The following AHCY variants were observed in gnomAD, a reference collection of about 807,000 sequenced individuals.
AHCY encodes adenosylhomocysteinase.
A neutral mutation model predicts 45.4 loss-of-function variants in AHCY; 24 were observed. The observed-to-expected ratio is 0.53, with a 90% CI of 0.38 to 0.74. The LOEUF (loss-of-function observed/expected upper bound fraction) is 0.74, where lower values mean the gene tolerates loss of function less well. Ranked by LOEUF, AHCY falls within the 30% of genes least tolerant of loss-of-function variation. The pLI is 0.00. For synonymous variants in AHCY, 245 were observed against 235.1 expected (o/e 1.04, Z -0.39); for missense variants, 449 against 594.1 (o/e 0.76, Z 2.54).
Position 34,285,545 on chromosome 20 carries a change from G to A in AHCY, c.1062C>T (p.Pro354=), listed in dbSNP as rs371576288. 3.7e-6 allele frequency: 6 copies of A among 1,614,078 alleles called. No homozygotes were observed. The highest frequency in any genetic ancestry group is 2.2e-5 in the East Asian group (1 of 44,888). Residue 354 remains proline, a synonymous_variant, in exon 9 of 10, where the codon CCC becomes CCT. Transcript: ENST00000217426. ...TGAAGGAGTTACTCATCACGAAGCT[G>A]GGGTGGCCCATGGCACAACCCAGGT... ...LVNLGCAMGH[P]SFVMSNSFTN... is the part of the protein sequence containing the mutation.
At chr20:34,282,992 GT>G (rs2036051864) in intron 9 of AHCY, among the ~76,000 whole-genome samples, 1 of 152,146 alleles carries the variant, frequency 6.6e-6, no homozygotes, top group Non-Finnish European at 1.5e-5. Flanking sequence ...GATGGGTGCG[GT>G]TTATCCTTGT....
the AHCY span, among the ~76,000 whole-genome samples, chr20:34,245,126 G>A: frequency 6.6e-6 from 1 of 152,034 alleles, no homozygotes; most frequent in African/African-American, 2.4e-5. Flanking sequence ...ACGAGGTCAG[G>A]AGTTCGAGAC....
chr20:34,249,550 T>C, the AHCY span, among the ~76,000 whole-genome samples: 2 of 152,216 alleles, frequency 1.3e-5, no homozygotes, highest in Non-Finnish European at 2.9e-5. Flanking sequence ...GCAGCTTGTG[T>C]AGCTGCACCA....
At chr20:34,309,746 A>C (rs942624629) in intron 1 of AHCY, among the ~76,000 whole-genome samples, 9 of 152,118 alleles carry the variant, frequency 5.9e-5, no homozygotes, top group Non-Finnish European at 1.3e-4. Flanking sequence ...GTGCCATTGC[A>C]CTCCAGCCTG....
chr20:34,309,430 G>A (rs1402994169), intron 1 of AHCY, among the ~76,000 whole-genome samples: 1 of 152,172 alleles, frequency 6.6e-6, no homozygotes, highest in East Asian at 1.9e-4. Flanking sequence ...CTACTTGTGA[G>A]TTGGAAGGAT....
the AHCY span, among the ~76,000 whole-genome samples, chr20:34,246,813 T>G: frequency 1.3e-5 from 2 of 152,134 alleles, no homozygotes; most frequent in African/African-American, 4.8e-5. Context: ...CTTTACTGAT[T>G]AACTCCAATT....
chr20:34,270,044 G>C, the AHCY span, among the ~76,000 whole-genome samples: 1 of 149,402 alleles, frequency 6.7e-6, no homozygotes, highest in South Asian at 2.1e-4. Context: ...AGACCAGCCT[G>C]GGCTACATAG....
chr20:34,275,814 T>A (rs904958553), downstream of AHCY, among the ~76,000 whole-genome samples: 3 of 151,988 alleles, frequency 2.0e-5, no homozygotes, highest in Non-Finnish European at 2.9e-5. Context: ...GTAGCTGGGA[T>A]TACAGGCGTG....
chr20:34,302,677 C>A (rs1322010562), intron 1 of AHCY: 1 of 986,712 alleles, frequency 1.0e-6, no homozygotes, highest in Non-Finnish European at 1.2e-6. Context: ...GAGATTTCTG[C>A]AAGGCTGCCC....
chr20:34,271,753 C>T, the AHCY span, among the ~76,000 whole-genome samples: 1 of 151,862 alleles, frequency 6.6e-6, no homozygotes, highest in African/African-American at 2.4e-5. Flanking sequence ...TTAGTAGAGA[C>T]AGGGTTTCAC....
the AHCY span, among the ~76,000 whole-genome samples, chr20:34,240,727 A>T: frequency 2.6e-5 from 4 of 152,192 alleles, no homozygotes; most frequent in Non-Finnish European, 4.4e-5. Context: ...TAACTCAATT[A>T]GACTGTTTTA....
exon 1 of AHCY, chr20:34,311,640 G>C (rs895847089): frequency 1.3e-5 from 2 of 152,564 alleles, no homozygotes; most frequent in African/African-American, 4.8e-5. Context: ...TCTCACTCTG[G>C]ATTAACTGGA....
the AHCY span, among the ~76,000 whole-genome samples, chr20:34,272,182 C>A: frequency 6.6e-6 from 1 of 152,216 alleles, no homozygotes; most frequent in East Asian, 1.9e-4. Context: ...CCAGGAGAGG[C>A]TGATTCACCT....
upstream of AHCY, among the ~76,000 whole-genome samples, chr20:34,304,347 C>G (rs537552572): frequency 6.6e-6 from 1 of 152,316 alleles, no homozygotes; most frequent in Admixed American, 6.5e-5. Flanking sequence ...CTTCTATGTT[C>G]AAGTCCCTCA....
the AHCY span, among the ~76,000 whole-genome samples, chr20:34,232,609 T>C: frequency 6.6e-6 from 1 of 152,188 alleles, no homozygotes; most frequent in Non-Finnish European, 1.5e-5. Flanking sequence ...ATCCAGTATA[T>C]AGTTTAAGGC....
chr20:34,282,426 T>A (rs899749337), intron 9 of AHCY, among the ~76,000 whole-genome samples: 8 of 152,216 alleles, frequency 5.3e-5, no homozygotes, highest in African/African-American at 1.9e-4. Context: ...AGCAGCCAGC[T>A]AAGCTGATCT....
intron 1 of AHCY, among the ~76,000 whole-genome samples, chr20:34,308,525 T>C (rs1037553707): frequency 1.3e-5 from 2 of 152,164 alleles, no homozygotes; most frequent in African/African-American, 4.8e-5. Context: ...ACTCCAGACT[T>C]GGTGACAGAG....
At chr20:34,246,302 C>A in the AHCY span, 1 of 1,550,968 alleles carries the variant, frequency 6.4e-7, no homozygotes, top group African/African-American at 1.4e-5. Flanking sequence ...TTGACCCTCA[C>A]TAATTCCAGC....
In AHCY at chr20:34,298,610, G is replaced by C. The variant is rs565356824; in HGVS notation, c.29-3025C>G. 1.6e-3 allele frequency among the ~76,000 whole-genome samples: 158 copies of C among 98,086 alleles called. 9 individuals carry two copies. Among genetic ancestry groups the C allele is most frequent in the South Asian group, 3.3e-3 (13 of 3,946 alleles). The allele number at this position is 98,086 out of a possible 152,430, so 64.3% of individuals were successfully genotyped here. A position where few individuals can be genotyped will look rare whatever the true frequency, so the allele number is the denominator to read the frequency against. On this transcript the variant is annotated intron_variant, in intron 1 of 9. Coordinates refer to ENST00000217426, the MANE Select transcript of AHCY (RefSeq NM_000687.4). ...AGACTGGGAAGTGGCGGCGGCGGGA[G>C]GGGGGGGGGTGTCTCCCTTTCCCCA...
Sources: allele counts gnomAD v4.1 joint callset (sites outside exome capture counted in the v4.1 genomes callset), GRCh38; gene constraint gnomAD v4.1.1; transcripts MANE v1.5; gene names NCBI Gene and HGNC (gene_info 2026-07-23, HGNC 2026-07-21).